Variants in ARSH observed in about 807,000 individuals in gnomAD.
ARSH encodes arylsulfatase H.
Under a neutral mutation model 28.7 loss-of-function variants are expected in ARSH, and 32 were observed. That is an observed-to-expected ratio of 1.11 (90% confidence interval 0.84 to 1.50). The LOEUF is 1.50. Among genes scored for constraint, ARSH ranks in the 40% most tolerant of loss-of-function variants. The pLI, the probability that ARSH is intolerant of heterozygous loss-of-function variation, is 0.00. For synonymous variants in ARSH, 176 were observed against 177.3 expected (o/e 0.99, Z 0.06); for missense variants, 440 against 452.4 (o/e 0.97, Z 0.25).
chrX:3,018,224 C>A (rs1318756093), intron 4 of ARSH, among the ~76,000 whole-genome samples: 1 of 111,816 alleles, frequency 8.9e-6, no homozygotes, highest in African/African-American at 3.3e-5. Flanking sequence ...GTCTCACACT[C>A]CTGGGCTCAT....
intron 4 of ARSH, among the ~76,000 whole-genome samples, chrX:3,016,248 G>A (rs1286044673): frequency 9.1e-6 from 1 of 110,398 alleles, no homozygotes; most frequent in Non-Finnish European, 1.9e-5. Context: ...CTGGGCTCAA[G>A]TGATTCACCC....
At chrX:3,032,895 T>G in intron 8 of ARSH, 123 bp from the exon 9 acceptor site, 1 of 697,134 alleles carries the variant, frequency 1.4e-6, no homozygotes, top group Non-Finnish European at 2.1e-6. Flanking sequence ...TGTTGCTGTG[T>G]AATGCTGTGC....
At chrX:3,028,490 C>G (rs1020473457) in intron 7 of ARSH, among the ~76,000 whole-genome samples, 1 of 110,348 alleles carries the variant, frequency 9.1e-6, no homozygotes. Flanking sequence ...ATTACAGGCA[C>G]GAGCCACCAG....
chrX:3,012,998 G>A (rs1459658540), intron 2 of ARSH, 49 bp from the exon 3 acceptor site: 4 of 1,169,239 alleles, frequency 3.4e-6, no homozygotes, highest in Non-Finnish European at 4.6e-6. Context: ...GGATAAATTC[G>A]GTATTAGCAA....
Position 3,018,617 on chromosome X carries a change from G to A in ARSH, c.848G>A (p.Arg283His), listed in dbSNP as rs774297748. The change falls in exon 5 of 9, where the codon CGC becomes CAC. Residue 283 changes from arginine (R) to histidine (H), a missense_variant. Physicochemically the swap from Arg to His is conservative, Grantham distance 29 (BLOSUM62 0). Coordinates refer to ENST00000381130, the MANE Select transcript of ARSH (RefSeq NM_001011719.2). The part of the protein sequence containing the change: ...PLISKKKFVG[R>H]SKYGRYGDNV... ...ATCTCCAAAAAGAAGTTTGTTGGGC[G>A]CAGTAAATATGGCAGGTATGGGGAC... is the stretch of plus-strand genomic sequence containing the variant. The A allele has an allele frequency of 3.3e-6, 4 of 1,210,380 alleles. No homozygotes were observed. Among genetic ancestry groups the A allele is most frequent in the Non-Finnish European group, 3.4e-6 (3 of 894,647 alleles).
At chrX:3,031,623 TA>T (rs755121059) in intron 8 of ARSH, among the ~76,000 whole-genome samples, 284 of 111,065 alleles carry the variant, frequency 2.6e-3, no homozygotes, top group Non-Finnish European at 4.8e-3. Context: ...ATAAAACAAT[TA>T]AAAAAACAAA....
Position 3,033,236 on chromosome X carries a change from A to G in ARSH, c.1540A>G (p.Ile514Val). The G allele has an allele frequency of 8.3e-7, 1 of 1,211,742 alleles. No individual in the cohort carries two copies. Among genetic ancestry groups the G allele is most frequent in the South Asian group, 1.8e-5 (1 of 56,958 alleles). The change falls in exon 9 of 9, where the codon ATA (isoleucine) becomes GTA (valine). Residue 514 changes from isoleucine (I) to valine (V), a missense_variant. Ile to Val is a conservative substitution (Grantham distance 29). Transcript: ENST00000381130. ...DSVIKKMEAA[I>V]REHRRTLTPV... ...CGTGATCAAAAAGATGGAGGCAGCCATAAGAGAGCATCGTAGGACACTAAC... is the reference window on the plus strand; with the variant it reads ...CGTGATCAAAAAGATGGAGGCAGCCGTAAGAGAGCATCGTAGGACACTAAC...
rs778128253 is a variant in ARSH at position 3,007,035 on chromosome X, A to G, written c.92+331A>G. ...GGTGGGAGCATTGCTTGAGCCCAGG[A>G]GTTTGCGATCAGCCTGGGCAACACA... On this transcript the variant is annotated intron_variant, in intron 1 of 8. Coordinates refer to ENST00000381130, the MANE Select transcript of ARSH (RefSeq NM_001011719.2). 4.6e-5 allele frequency among the ~76,000 whole-genome samples: 5 copies of G among 109,527 alleles called. No individual in the cohort carries two copies. The East Asian group carries it at 1.4e-3, about 31-fold the overall frequency.
chrX:3,025,382 TATATA>T lies in ARSH; in HGVS notation c.1036+1238_1036+1242del, dbSNP rs768316236. 6.8e-3 allele frequency among the ~76,000 whole-genome samples: 718 copies of T among 105,672 alleles called. 8 individuals are homozygous for T. The highest frequency in any genetic ancestry group is 0.023 in the African/African-American group (673 of 29,637). The allele number at this position is 105,672 out of a possible 115,157, so 91.8% of individuals were successfully genotyped here. ...TATATATAATTTTATATATTCAGTA[TATATA>T]ATATAATATATAATACTATATATAT... is the stretch of plus-strand genomic sequence containing the variant. On this transcript the variant is annotated intron_variant, in intron 6 of 8. Coordinates refer to ENST00000381130, the MANE Select transcript of ARSH (RefSeq NM_001011719.2).
chrX:3,007,422 T>C (rs753970420), intron 1 of ARSH, among the ~76,000 whole-genome samples: 1 of 111,504 alleles, frequency 9.0e-6, no homozygotes, highest in Non-Finnish European at 1.9e-5. Flanking sequence ...GATGTGTCTC[T>C]TCTTAGAATT....
Position 3,006,558 on chromosome X carries a change from C to A in ARSH, c.-55C>A. On this transcript the variant is annotated 5_prime_UTR_variant, in exon 1 of 9. It adds an upstream start codon to the 5' untranslated region. Transcript: ENST00000381130. ...TTATTTCTAAAAATGCTTTCAGGAG[C>A]TGCTGGCTGTCAGTGTCCCTGTGCT... The A allele has an allele frequency of 9.7e-7, 1 of 1,026,746 alleles. No homozygotes were observed. The highest frequency in any genetic ancestry group is 1.9e-5 in the African/African-American group (1 of 53,858). 84.6% of individuals were successfully genotyped at this position (1,026,746 alleles called of 1,213,427 possible). A position where few individuals can be genotyped will look rare whatever the true frequency, so the allele number is the denominator to read the frequency against.
Position 3,020,274 on chromosome X carries a change from C to CAAAAA in ARSH, c.901+1631_901+1635dup, listed in dbSNP as rs59713321. ...ACCACTGTACTCCAAGACCCCGTCT[C>CAAAAA]AAAAAAAAAAAAAAAAAAAAAAAAA... is the stretch of plus-strand genomic sequence containing the variant. On this transcript the variant is annotated intron_variant, in intron 5 of 8. Coordinates refer to ENST00000381130, the MANE Select transcript of ARSH (RefSeq NM_001011719.2). 7.2e-4 allele frequency among the ~76,000 whole-genome samples: 10 copies of CAAAAA among 13,847 alleles called. 1 individual carries two copies. Among genetic ancestry groups the CAAAAA allele is most frequent in the African/African-American group, 4.0e-3 (9 of 2,249 alleles). The allele number at this position is 13,847 out of a possible 115,157, so 12.0% of individuals were successfully genotyped here.
chrX:3,027,367 G>A lies in ARSH; in HGVS notation c.1091G>A (p.Arg364Gln), dbSNP rs139674879. The change falls in exon 7 of 9, where the codon CGG becomes CAG. Residue 364 changes from arginine (R) to glutamine (Q), a missense_variant. Transcript: ENST00000381130. ...EGGIRVPGIF[R>Q]WPSVLEAGRV... is the part of the protein sequence containing the mutation. ...GGTATCCGTGTGCCAGGGATATTCC[G>A]GTGGCCGTCAGTCTTGGAGGCTGGG... The A allele has an allele frequency of 1.2e-5, 15 of 1,209,551 alleles. No homozygotes were observed. The highest frequency in any genetic ancestry group is 2.3e-4 in the Middle Eastern group (1 of 4,298).
rs1434787014 is a variant in ARSH at position 3,029,433 on chromosome X, C to G, written c.1321+65C>G. The G allele has an allele frequency of 4.3e-6, 5 of 1,159,147 alleles. No individual in the cohort carries two copies. In the East Asian group the frequency reaches 9.1e-5, roughly 21 times the overall value. On this transcript the variant is annotated intron_variant, in intron 8 of 8. Coordinates refer to ENST00000381130, the MANE Select transcript of ARSH (RefSeq NM_001011719.2). Reference sequence around the variant, plus strand: ...GGCCCGGTTCCGGTCTCCTTCGTCTCCTGGCGGAAGCTGCACCATGTGCAG... The same window carrying G: ...GGCCCGGTTCCGGTCTCCTTCGTCTGCTGGCGGAAGCTGCACCATGTGCAG...
At chrX:3,008,652 T>C (rs903361026) in intron 1 of ARSH, among the ~76,000 whole-genome samples, 1 of 109,902 alleles carries the variant, frequency 9.1e-6, no homozygotes, top group African/African-American at 3.3e-5. Context: ...CAGGCTCAAG[T>C]GATCCTCCCT....
chrX:3,024,606 G>A (rs1300033129), intron 6 of ARSH, among the ~76,000 whole-genome samples: 1 of 111,597 alleles, frequency 9.0e-6, no homozygotes, highest in Non-Finnish European at 1.9e-5. Flanking sequence ...TAAGTGAGAA[G>A]TGCTCCTTTA....
At position 3,015,091 on chromosome X, in the gene ARSH, C is replaced by T; in HGVS notation, c.462C>T (p.Ser154=). ...PFGLLSDCQA[S]KTPELHRWLR... is the part of the protein sequence containing the mutation. ...GACTTTTAAGCGACTGCCAGGCATCCAAGACACCAGAACTGCACCGCTGGC... is the reference window on the plus strand; with the variant it reads ...GACTTTTAAGCGACTGCCAGGCATCTAAGACACCAGAACTGCACCGCTGGC... Residue 154 remains serine (S), a synonymous_variant, in exon 4 of 9, where the codon TCC becomes TCT. Coordinates refer to ENST00000381130, the MANE Select transcript of ARSH (RefSeq NM_001011719.2). 1.7e-6 allele frequency: 2 copies of T among 1,210,621 alleles called. No individual in the cohort carries two copies. The highest frequency in any genetic ancestry group is 2.2e-6 in the Non-Finnish European group (2 of 894,942).
At chrX:3,024,275 A>G in intron 6 of ARSH, 120 bp downstream of exon 6, 1 of 738,624 alleles carries the variant, frequency 1.4e-6, no homozygotes, top group Non-Finnish European at 1.8e-6. Context: ...TTAGACTCTT[A>G]TTAAGCTAGA....
intron 8 of ARSH, among the ~76,000 whole-genome samples, chrX:3,031,427 C>G (rs1229185475): frequency 1.8e-5 from 2 of 111,719 alleles, no homozygotes; most frequent in East Asian, 5.6e-4. Context: ...GTCATGCAAA[C>G]AAATATAAAT....
Sources: gnomAD v4.1 joint callset for allele counts (sites outside exome capture counted in the v4.1 genomes callset) on GRCh38, gnomAD v4.1.1 for gene constraint, MANE v1.5 for transcripts, NCBI Gene and HGNC (gene_info 2026-07-23, HGNC 2026-07-21) for gene names.